The following SLC4A7 variants were observed in gnomAD, a reference collection of about 807,000 sequenced individuals.
SLC4A7 encodes the protein sodium bicarbonate cotransporter 3.
In SLC4A7, 51 loss-of-function variants were observed where a neutral mutation model predicts 137.6. The observed-to-expected ratio is 0.37, with a 90% CI of 0.30 to 0.47. The LOEUF is 0.47. Among genes scored for constraint, SLC4A7 ranks in the 20% least tolerant of loss-of-function variants. The pLI is 1.00. For synonymous variants in SLC4A7, 542 were observed against 518.6 expected, an observed-to-expected ratio of 1.05 and a Z score of -0.61; for missense variants, 1,247 against 1,525.4, an observed-to-expected ratio of 0.82 and a Z score of 3.04.
rs2056528821 is a variant in SLC4A7 at position 27,433,985 on chromosome 3, T to C, written c.709A>G (p.Ile237Val). 6.2e-7 allele frequency: 1 copy of C among 1,613,848 alleles called. No individual in the cohort carries two copies. The highest frequency in any genetic ancestry group is 1.3e-5 in the African/African-American group (1 of 74,912). The change falls in exon 6 of 26, where the codon ATT becomes GTT. Residue 237 changes from isoleucine to valine, a missense_variant. This residue lies in a region of SLC4A7 where 223 missense variants were observed against 203.6 expected (regional missense o/e 1.10). Transcript: ENST00000454389. ...HQNEKRFTSR[I>V]PLVRSFADIG... ...TCTGCAAAAGATCGAACAAGAGGAA[T>C]CCGACTGGTGAATCTTTTCTCATTC...
chr3:27,473,705 CAAAAAA>C (rs747183440), intron 1 of SLC4A7, among the ~76,000 whole-genome samples: 7 of 59,464 alleles, frequency 1.2e-4, no homozygotes, highest in Admixed American at 2.5e-4. Flanking sequence ...GACCTCATGT[CAAAAAA>C]AAAAAAAAAA....
chr3:27,477,204 G>T (rs1299694139), intron 1 of SLC4A7, among the ~76,000 whole-genome samples: 2 of 152,172 alleles, frequency 1.3e-5, no homozygotes, highest in Non-Finnish European at 2.9e-5. Context: ...CCTAGCACTG[G>T]GCAGGAGAAA....
chr3:27,468,822 T>C (rs1201777032), intron 1 of SLC4A7, among the ~76,000 whole-genome samples: 3 of 152,110 alleles, frequency 2.0e-5, no homozygotes, highest in African/African-American at 2.4e-5. Context: ...AATGAAATAC[T>C]AGGAGTGGGG....
At position 27,484,002 on chromosome 3, in the gene SLC4A7, G is replaced by A. The variant is rs2059836980; in HGVS notation, c.60+65C>T. Reference sequence around the variant, plus strand: ...AGCCGCGACGCCCGCCGCGCCCCCCGCCTTTGTCTGCCTCGCCCCGCGCCC... The same window carrying A: ...AGCCGCGACGCCCGCCGCGCCCCCCACCTTTGTCTGCCTCGCCCCGCGCCC... On this transcript the variant is annotated intron_variant, in intron 1 of 25. Transcript: ENST00000454389. 4.1e-6 allele frequency: 5 copies of A among 1,226,422 alleles called. No individual in the cohort carries two copies. In the South Asian group the frequency reaches 9.4e-5, roughly 23 times the overall value. The allele number at this position is 1,226,422 out of a possible 1,614,324, so 76.0% of individuals were successfully genotyped here.
intron 7 of SLC4A7, among the ~76,000 whole-genome samples, chr3:27,428,836 C>T (rs1305006837): frequency 1.3e-5 from 2 of 152,234 alleles, no homozygotes; most frequent in Non-Finnish European, 2.9e-5. Flanking sequence ...GTATCCATCA[C>T]ATTGAGGCTT....
intron 1 of SLC4A7, among the ~76,000 whole-genome samples, chr3:27,468,164 A>C (rs1349225058): frequency 6.6e-6 from 1 of 152,130 alleles, no homozygotes; most frequent in African/African-American, 2.4e-5. Flanking sequence ...CCTGACTTCA[A>C]GTGATCCGCC....
chr3:27,427,065 C>G (rs992786223), intron 7 of SLC4A7, among the ~76,000 whole-genome samples: 2 of 152,050 alleles, frequency 1.3e-5, no homozygotes, highest in African/African-American at 4.8e-5. Context: ...AGCAATGGTG[C>G]CCAACTAGGA....
At chr3:27,413,919 C>G (rs1281560330) in intron 11 of SLC4A7, among the ~76,000 whole-genome samples, 1 of 147,738 alleles carries the variant, frequency 6.8e-6, no homozygotes, top group Admixed American at 7.1e-5. Context: ...ATAATACTAT[C>G]TCTTACTTAC....
chr3:27,409,538 G>A lies in SLC4A7; in HGVS notation c.1767-8C>T. On this transcript the variant is annotated splice_polypyrimidine_tract_variant and splice_region_variant and intron_variant, in intron 12 of 25. Transcript: ENST00000454389. ...ATCAAACCACCAAAAAGCCTAAATA[G>A]GTGAGATGAAACTCGTCAAACTGTA... The A allele has an allele frequency of 6.2e-7, 1 of 1,607,364 alleles. No homozygotes were observed. Among genetic ancestry groups the A allele is most frequent in the South Asian group, 1.1e-5 (1 of 90,008 alleles).
At chr3:27,436,670 C>T in intron 4 of SLC4A7, 122 bp from the exon 5 acceptor site, 1 of 654,038 alleles carries the variant, frequency 1.5e-6, no homozygotes. Flanking sequence ...AAAACCACGA[C>T]CAAACACGTT....
At chr3:27,439,287 C>T (rs1188054649) in intron 3 of SLC4A7, among the ~76,000 whole-genome samples, 3 of 151,794 alleles carry the variant, frequency 2.0e-5, no homozygotes. Context: ...AACTCCAGGA[C>T]AAGGAAAATA....
chr3:27,419,158 C>T (rs1410516690), intron 10 of SLC4A7, among the ~76,000 whole-genome samples: 3 of 151,820 alleles, frequency 2.0e-5, no homozygotes, highest in South Asian at 2.1e-4. Flanking sequence ...AACAGTGAAA[C>T]GCGTTATTAA....
chr3:27,375,431 T>C lies in SLC4A7; in HGVS notation c.*1333A>G, dbSNP rs1559600570. On this transcript the variant is annotated 3_prime_UTR_variant, in exon 26 of 26. Coordinates refer to ENST00000454389, the MANE Select transcript of SLC4A7 (RefSeq NM_001321103.2). ...TTTATTTCATGTGGAACTAAAAGTA[T>C]ATAAAAGATGACTAAAAAGATTTGT... 6.6e-6 allele frequency: 1 copy of C among 152,380 alleles called. No individual in the cohort carries two copies. The allele number at this position is 152,380 out of a possible 1,614,324, so 9.4% of individuals were successfully genotyped here. A position where few individuals can be genotyped will look rare whatever the true frequency, so the allele number is the denominator to read the frequency against.
At chr3:27,387,976 G>A (rs1183037012) in intron 22 of SLC4A7, among the ~76,000 whole-genome samples, 1 of 152,080 alleles carries the variant, frequency 6.6e-6, no homozygotes, top group Non-Finnish European at 1.5e-5. Context: ...CTTTAAAGGG[G>A]TCTTTCTTTT....
intron 13 of SLC4A7, among the ~76,000 whole-genome samples, chr3:27,407,202 C>T (rs1372137003): frequency 1.3e-5 from 2 of 150,634 alleles, no homozygotes. Context: ...CACAGCCTGG[C>T]TAGGCACGGT....
intron 1 of SLC4A7, among the ~76,000 whole-genome samples, chr3:27,467,901 AG>A (rs2059075560): frequency 6.6e-6 from 1 of 152,240 alleles, no homozygotes; most frequent in Non-Finnish European, 1.5e-5. Flanking sequence ...AATTTCATTC[AG>A]AAAAAAATTA....
chr3:27,463,540 C>CAAAAAAT (rs1553717343), intron 1 of SLC4A7, among the ~76,000 whole-genome samples: 2 of 151,780 alleles, frequency 1.3e-5, no homozygotes, highest in Non-Finnish European at 2.9e-5. Flanking sequence ...AACTCCACCT[C>CAAAAAAT]AAAAAATAAA....
Position 27,411,733 on chromosome 3 carries a change from G to C in SLC4A7, c.1675C>G (p.Pro559Ala), listed in dbSNP as rs1369184997. The change falls in exon 12 of 26, where the codon CCT (proline) becomes GCT (alanine). Residue 559 changes from proline (P) to alanine (A), a missense_variant. By Grantham distance (27) the Pro-to-Ala change is conservative. Transcript: ENST00000454389. ...SVPSQEKRKI[P>A]VFHNGSTPTL... is the part of the protein sequence containing the mutation. ...GGGGTAGATCCATTGTGAAACACAG[G>C]AATCTTTCTCTTTTCCTGAATTTCA... is the stretch of plus-strand genomic sequence containing the variant. 6.6e-7 allele frequency: 1 copy of C among 1,526,482 alleles called. No homozygotes were observed. The highest frequency in any genetic ancestry group is 2.4e-5 in the East Asian group (1 of 41,456). 94.6% of individuals were successfully genotyped at this position (1,526,482 alleles called of 1,614,324 possible). A position where few individuals can be genotyped will look rare whatever the true frequency, so the allele number is the denominator to read the frequency against.
chr3:27,439,231 T>A (rs1335371510), intron 3 of SLC4A7, among the ~76,000 whole-genome samples: 1 of 151,972 alleles, frequency 6.6e-6, no homozygotes, highest in Non-Finnish European at 1.5e-5. Context: ...AAACAACAGA[T>A]AAGAAGGAAG....
Sources: allele counts gnomAD v4.1 joint callset (sites outside exome capture counted in the v4.1 genomes callset), GRCh38; gene constraint gnomAD v4.1.1; regional missense constraint gnomAD v4.1.1; transcripts MANE v1.5; gene names NCBI Gene and HGNC (gene_info 2026-07-23, HGNC 2026-07-21).